NRXN3: variants seen among roughly 807,000 people sequenced by gnomAD.
NRXN3 encodes the protein neurexin III.
NRXN3 carries 32 observed loss-of-function variants against 137.6 expected under a neutral mutation model. That is an observed-to-expected ratio of 0.23 (90% CI 0.18 to 0.31). The LOEUF is 0.31. NRXN3 is among the 10% of genes least tolerant of loss of function. The pLI, the probability that NRXN3 is intolerant of heterozygous loss-of-function variation, is 1.00. For missense variants in NRXN3, 1,574 were observed against 2,062.5 expected (o/e 0.76, Z 4.59); for synonymous variants, 798 against 784.5 (o/e 1.02, Z -0.29).
At chr14:78,995,216 G>C (rs2099527441) in intron 15 of NRXN3, among the ~76,000 whole-genome samples, 1 of 152,164 alleles carries the variant, frequency 6.6e-6, no homozygotes, top group African/African-American at 2.4e-5. Context: ...GTGGAATTCA[G>C]AACATTTCAG....
chr14:78,537,764 T>G (rs2096550436), intron 4 of NRXN3, among the ~76,000 whole-genome samples: 1 of 152,206 alleles, frequency 6.6e-6, no homozygotes, highest in Non-Finnish European at 1.5e-5. Flanking sequence ...AAGTCTTTAA[T>G]CCATCTTGAA....
chr14:78,627,117 T>C (rs2097470339), intron 4 of NRXN3, among the ~76,000 whole-genome samples: 2 of 132,046 alleles, frequency 1.5e-5, no homozygotes, highest in Non-Finnish European at 3.2e-5. Context: ...TCTCTCTCTC[T>C]CTCTCTCTCT....
intron 4 of NRXN3, among the ~76,000 whole-genome samples, chr14:78,411,562 T>C (rs2092828577): frequency 6.6e-6 from 1 of 152,230 alleles, no homozygotes; most frequent in Non-Finnish European, 1.5e-5. Flanking sequence ...TTTTATGAGC[T>C]GTGTATTCAT....
At chr14:78,875,239 A>G (rs376948655) in intron 10 of NRXN3, among the ~76,000 whole-genome samples, 8 of 152,234 alleles carry the variant, frequency 5.3e-5, no homozygotes, top group African/African-American at 1.9e-4. Flanking sequence ...GTGAAAAGAC[A>G]TAGTGTGACC....
intron 6 of NRXN3, among the ~76,000 whole-genome samples, chr14:78,689,871 C>T (rs2098155825): frequency 1.3e-5 from 2 of 151,578 alleles, no homozygotes; most frequent in African/African-American, 4.8e-5. Context: ...CCCCCTTCCT[C>T]CTCTTTCTCT....
At chr14:78,508,857 TA>T (rs1482354562) in intron 4 of NRXN3, among the ~76,000 whole-genome samples, 1 of 152,090 alleles carries the variant, frequency 6.6e-6, no homozygotes, top group African/African-American at 2.4e-5. Flanking sequence ...TTTACCACAA[TA>T]AAAAAATAGA....
At chr14:79,134,154 G>C (rs920829074) in intron 15 of NRXN3, among the ~76,000 whole-genome samples, 2 of 152,098 alleles carry the variant, frequency 1.3e-5, no homozygotes, top group African/African-American at 4.8e-5. Flanking sequence ...TTAAGTGTAA[G>C]TGGTACCTGT....
intron 4 of NRXN3, among the ~76,000 whole-genome samples, chr14:78,416,986 G>C (rs2093175263): frequency 6.6e-6 from 1 of 152,174 alleles, no homozygotes; most frequent in Non-Finnish European, 1.5e-5. Context: ...CAGAAATCAG[G>C]CTTAAATTAT....
chr14:79,734,925 G>C (rs2098936765), intron 19 of NRXN3, among the ~76,000 whole-genome samples: 1 of 152,114 alleles, frequency 6.6e-6, no homozygotes, highest in South Asian at 2.1e-4. Flanking sequence ...AATCTTCAAA[G>C]CCTCAGTTGA....
chr14:79,011,874 G>C lies in NRXN3; in HGVS notation c.3262+23733G>C, dbSNP rs114343787. 2.4e-3 allele frequency among the ~76,000 whole-genome samples: 368 copies of C among 152,300 alleles called. 2 individuals are homozygous for C. Among genetic ancestry groups the C allele is most frequent in the African/African-American group, 8.0e-3 (333 of 41,558 alleles). ...ATGTTTTAAACATGTTTACATCAAA[G>C]AGGACTGGGGTCATAAGGAAGCAGT... On this transcript the variant is annotated intron_variant, in intron 15 of 20. Coordinates refer to ENST00000335750, the MANE Select transcript of NRXN3 (RefSeq NM_001330195.2).
intron 4 of NRXN3, among the ~76,000 whole-genome samples, chr14:78,436,286 C>T (rs543183973): frequency 1.2e-4 from 18 of 152,130 alleles, no homozygotes; most frequent in Admixed American, 2.0e-4. Context: ...CAACCGCCCC[C>T]GTAATAATAA....
At chr14:79,222,769 A>G (rs905932497) in intron 15 of NRXN3, among the ~76,000 whole-genome samples, 1 of 152,120 alleles carries the variant, frequency 6.6e-6, no homozygotes, top group Non-Finnish European at 1.5e-5. Flanking sequence ...GCATTTCCCC[A>G]GTGACAAATG....
At chr14:79,712,713 G>C (rs562117493) in intron 19 of NRXN3, among the ~76,000 whole-genome samples, 240 of 152,234 alleles carry the variant, frequency 1.6e-3, no homozygotes, top group Non-Finnish European at 2.8e-3. Flanking sequence ...TAAACCGACA[G>C]GACTCCATTA....
At chr14:79,658,727 A>G (rs1182390372) in intron 16 of NRXN3, among the ~76,000 whole-genome samples, 1 of 152,168 alleles carries the variant, frequency 6.6e-6, no homozygotes. Context: ...GGCCCACAAG[A>G]GGCATTATTT....
intron 4 of NRXN3, among the ~76,000 whole-genome samples, chr14:78,569,189 G>C (rs2096865552): frequency 6.6e-6 from 1 of 150,490 alleles, no homozygotes; most frequent in South Asian, 2.1e-4. Flanking sequence ...GGATGGTCTC[G>C]ATCTCCTGAT....
At chr14:78,937,692 A>G (rs941126296) in intron 10 of NRXN3, among the ~76,000 whole-genome samples, 1 of 152,236 alleles carries the variant, frequency 6.6e-6, no homozygotes, top group African/African-American at 2.4e-5. Context: ...GAAATTCTCC[A>G]TTTCTTAGGA....
intron 15 of NRXN3, among the ~76,000 whole-genome samples, chr14:79,320,430 A>G (rs891049877): frequency 6.6e-6 from 1 of 152,184 alleles, no homozygotes; most frequent in African/African-American, 2.4e-5. Context: ...GTTAATGGGT[A>G]TATGAAGCTC....
At chr14:79,389,321 CAA>C (rs997138713) in intron 15 of NRXN3, among the ~76,000 whole-genome samples, 11 of 152,158 alleles carry the variant, frequency 7.2e-5, no homozygotes, top group African/African-American at 2.2e-4. Flanking sequence ...AGGTGGAAAA[CAA>C]GAGAGAGAAC....
At chr14:78,798,625 G>A (rs1377281822) in intron 8 of NRXN3, among the ~76,000 whole-genome samples, 1 of 152,182 alleles carries the variant, frequency 6.6e-6, no homozygotes, top group Admixed American at 6.5e-5. Flanking sequence ...TCTGTGTGGG[G>A]GCTCACACCC....
Sources: gnomAD v4.1 joint callset for allele counts (sites outside exome capture counted in the v4.1 genomes callset) on GRCh38, gnomAD v4.1.1 for gene constraint, MANE v1.5 for transcripts, NCBI Gene and HGNC (gene_info 2026-07-23, HGNC 2026-07-21) for gene names.